The following IQCH variants were observed in gnomAD, a reference collection of about 807,000 sequenced individuals.
The protein encoded by IQCH is IQ motif containing H, also known as IQ domain-containing protein H.
Under a neutral mutation model 117.0 loss-of-function variants are expected in IQCH, and 98 were observed. That is an observed-to-expected ratio of 0.84 (90% CI 0.71 to 0.99). The LOEUF (loss-of-function observed/expected upper bound fraction) is 0.99, where lower values mean the gene tolerates loss of function less well. IQCH is among the 50% of genes least tolerant of loss of function. The pLI, the probability that IQCH is intolerant of heterozygous loss-of-function variation, is 0.00. For missense variants in IQCH, 1,102 were observed against 1,243.8 expected (o/e 0.89, Z 1.72); for synonymous variants, 412 against 448.2 (o/e 0.92, Z 1.02).
chr15:67,450,382 T>A (rs1233500359), intron 16 of IQCH, among the ~76,000 whole-genome samples: 1 of 152,182 alleles, frequency 6.6e-6, no homozygotes, highest in African/African-American at 2.4e-5. Context: ...CTCTTATTAT[T>A]TTGAGATACG....
At chr15:67,414,047 C>T (rs1007449458) in intron 14 of IQCH, among the ~76,000 whole-genome samples, 8 of 152,206 alleles carry the variant, frequency 5.3e-5, no homozygotes, top group Admixed American at 2.6e-4. Context: ...AATGTGACCT[C>T]GTTTATCTTC....
chr15:67,402,330 T>TA (rs1441904182), intron 14 of IQCH, among the ~76,000 whole-genome samples: 1 of 152,192 alleles, frequency 6.6e-6, no homozygotes, highest in African/African-American at 2.4e-5. Context: ...AAAAATAAAG[T>TA]AGTTCTGAAA....
intron 4 of IQCH, among the ~76,000 whole-genome samples, chr15:67,321,478 C>CTTTCTTTCTT (rs1409546163): frequency 1.1e-5 from 1 of 90,158 alleles, no homozygotes; most frequent in African/African-American, 3.4e-5. Context: ...TCCTTCCTTT[C>CTTTCTTTCTT]TTTCTTTCTT....
At chr15:67,379,155 C>T (rs1249796823) in intron 10 of IQCH, among the ~76,000 whole-genome samples, 1 of 152,134 alleles carries the variant, frequency 6.6e-6, no homozygotes, top group Non-Finnish European at 1.5e-5. Flanking sequence ...ATTCTCATAT[C>T]TGCTTCTGTA....
At chr15:67,462,383 G>A (rs959345872) in intron 16 of IQCH, among the ~76,000 whole-genome samples, 5 of 149,360 alleles carry the variant, frequency 3.3e-5, no homozygotes, top group African/African-American at 1.2e-4. Context: ...AGCCAAGTTC[G>A]CACCACTGCA....
Position 67,321,827 on chromosome 15 carries a change from A to G in IQCH, c.388-15148A>G, listed in dbSNP as rs543658761. ...TCCATATTCATATCTGTCCTGTACA[A>G]TATACTCTGTACAGTTTCAATCTTT... On this transcript the variant is annotated intron_variant, in intron 4 of 20. Coordinates refer to ENST00000335894, the MANE Select transcript of IQCH (RefSeq NM_001031715.3). Among the ~76,000 whole-genome samples, 6 of 152,188 alleles carry G rather than the reference A, an allele frequency of 3.9e-5. No individual in the cohort carries two copies. In the East Asian group the frequency reaches 1.2e-3, roughly 29 times the overall value.
At chr15:67,300,566 T>C (rs542872191) in intron 4 of IQCH, among the ~76,000 whole-genome samples, 1 of 152,288 alleles carries the variant, frequency 6.6e-6, no homozygotes, top group East Asian at 1.9e-4. Flanking sequence ...CTTTAACCAG[T>C]GGGAATATGA....
chr15:67,433,786 A>G lies in IQCH; in HGVS notation c.2505+12209A>G, dbSNP rs936116800. On this transcript the variant is annotated intron_variant, in intron 16 of 20. Coordinates refer to ENST00000335894, the MANE Select transcript of IQCH (RefSeq NM_001031715.3). This position sits in a 1 kb window ranked among gnomAD's most constrained non-coding sequence, Gnocchi z 5.4. ...GAAAAGGCTCCCTACTAATGCCAAG[A>G]AAGACCATAAGATTCTTCACCTATG... Among the ~76,000 whole-genome samples the G allele has an allele frequency of 5.9e-5, 9 of 152,320 alleles. No homozygotes were observed. Among genetic ancestry groups the G allele is most frequent in the African/African-American group, 2.2e-4 (9 of 41,572 alleles).
chr15:67,440,024 C>T (rs145463609), intron 16 of IQCH, among the ~76,000 whole-genome samples: 39 of 151,438 alleles, frequency 2.6e-4, no homozygotes, highest in African/African-American at 6.1e-4. Context: ...CACTAAGAAA[C>T]GAAACAGGAG....
At chr15:67,461,027 T>G (rs2082779229) in intron 16 of IQCH, among the ~76,000 whole-genome samples, 1 of 152,142 alleles carries the variant, frequency 6.6e-6, no homozygotes, top group African/African-American at 2.4e-5. Context: ...GGGACAAGAG[T>G]ACCTAGTGCT....
chr15:67,314,018 C>T (rs1967725944), intron 4 of IQCH, among the ~76,000 whole-genome samples: 1 of 152,168 alleles, frequency 6.6e-6, no homozygotes, highest in Admixed American at 6.5e-5. Flanking sequence ...ATACAACTCT[C>T]TGTCCCTTTC....
chr15:67,264,648 A>C (rs767600158), intron 3 of IQCH, among the ~76,000 whole-genome samples: 7 of 152,052 alleles, frequency 4.6e-5, no homozygotes, highest in Non-Finnish European at 8.8e-5. Context: ...ACCTAATCTC[A>C]GAACTGGTAT....
In IQCH at chr15:67,306,969, AT is replaced by A. The variant is rs1967329148; in HGVS notation, c.387+27458del. 1.4e-5 allele frequency: 19 copies of A among 1,394,344 alleles called. No individual in the cohort carries two copies. The East Asian group carries it at 5.0e-4, about 37-fold the overall frequency. The allele number at this position is 1,394,344 out of a possible 1,614,324, so 86.4% of individuals were successfully genotyped here. On this transcript the variant is annotated intron_variant, in intron 4 of 20. Coordinates refer to ENST00000335894, the MANE Select transcript of IQCH (RefSeq NM_001031715.3). Reference sequence around the variant, plus strand: ...TTTGACTTTGATTTATTCCTTTTAAATAAAAAGTGTTTCTTAAAAGGCTTGA... The same window carrying A: ...TTTGACTTTGATTTATTCCTTTTAAAAAAAAGTGTTTCTTAAAAGGCTTGA...
chr15:67,430,024 T>C lies in IQCH; in HGVS notation c.2505+8447T>C, dbSNP rs1240632248. Among the ~76,000 whole-genome samples, 1 of 152,108 alleles carries C rather than the reference T, an allele frequency of 6.6e-6. No individual in the cohort carries two copies. Among genetic ancestry groups the C allele is most frequent in the African/African-American group, 2.4e-5 (1 of 41,418 alleles). On this transcript the variant is annotated intron_variant, in intron 16 of 20. Coordinates refer to ENST00000335894, the MANE Select transcript of IQCH (RefSeq NM_001031715.3). The surrounding 1 kb of genome is among the most constrained non-coding windows in gnomAD (Gnocchi z 5.1). ...CCTGGGAAATGGAGATGGTGGAGCATGGTCTAAGATTACTCCTGCCAGTGG... is the reference window on the plus strand; with the variant it reads ...CCTGGGAAATGGAGATGGTGGAGCACGGTCTAAGATTACTCCTGCCAGTGG...
intron 4 of IQCH, among the ~76,000 whole-genome samples, chr15:67,327,265 G>A (rs191808992): frequency 6.6e-6 from 1 of 152,192 alleles, no homozygotes; most frequent in East Asian, 1.9e-4. Context: ...CTGAGTTTGT[G>A]AATCACCATA....
rs1970735848 is a variant in IQCH, at chr15:67,376,280, G to C, written c.1372+2847G>C. 6.6e-6 allele frequency among the ~76,000 whole-genome samples: 1 copy of C among 152,182 alleles called. No homozygotes were observed. The highest frequency in any genetic ancestry group is 2.4e-5 in the African/African-American group (1 of 41,426). On this transcript the variant is annotated intron_variant, in intron 10 of 20. Coordinates refer to ENST00000335894, the MANE Select transcript of IQCH (RefSeq NM_001031715.3). This position sits in a 1 kb window ranked among gnomAD's most constrained non-coding sequence, Gnocchi z 5.0. ...TCAGCTAGATGCCACAAACTTCTTT[G>C]TCTCATGCACCAGGGACTTACCTAT...
chr15:67,478,819 G>T (rs2083275140), intron 18 of IQCH, among the ~76,000 whole-genome samples: 1 of 151,984 alleles, frequency 6.6e-6, no homozygotes, highest in African/African-American at 2.4e-5. Flanking sequence ...AGCTACTCGG[G>T]AGGCTGAGGC....
At chr15:67,355,073 C>T (rs944312323) in intron 6 of IQCH, among the ~76,000 whole-genome samples, 2 of 152,116 alleles carry the variant, frequency 1.3e-5, no homozygotes, top group African/African-American at 4.8e-5. Flanking sequence ...CATACTTATA[C>T]TAAATAAATT....
In IQCH at chr15:67,359,130, T is replaced by C. The variant is rs1970030224; in HGVS notation, c.715-717T>C. On this transcript the variant is annotated intron_variant, in intron 7 of 20. Transcript: ENST00000335894. The surrounding 1 kb of genome is among the most constrained non-coding windows in gnomAD (Gnocchi z 4.5). ...TAATAGGAACAGGCGGAGGCACCTG[T>C]TTTGATTCTCACCCTGTTGGAGCGC... is the stretch of plus-strand genomic sequence containing the variant. Among the ~76,000 whole-genome samples, 1 of 152,214 alleles carries C rather than the reference T, an allele frequency of 6.6e-6. No individual in the cohort carries two copies. The highest frequency in any genetic ancestry group is 1.5e-5 in the Non-Finnish European group (1 of 68,044).
Sources: gnomAD v4.1 joint callset for allele counts (sites outside exome capture counted in the v4.1 genomes callset) on GRCh38, gnomAD v4.1.1 for gene constraint, Gnocchi (gnomAD v3.1) non-coding constraint, MANE v1.5 for transcripts, NCBI Gene and HGNC (gene_info 2026-07-23, HGNC 2026-07-21) for gene names.